UBE2Q2: variants seen among roughly 807,000 people sequenced by gnomAD.
The protein encoded by UBE2Q2 is ubiquitin-conjugating enzyme E2 Q2.
Under a neutral mutation model 59.9 loss-of-function variants are expected in UBE2Q2, and 54 were observed. The ratio of observed to expected loss-of-function variants is 0.90; its 90% CI spans 0.72 to 1.13. The LOEUF (loss-of-function observed/expected upper bound fraction) is 1.13, where lower values mean the gene tolerates loss of function less well. Among genes scored for constraint, UBE2Q2 ranks in the 50% most tolerant of loss-of-function variants. UBE2Q2 has a pLI of 0.00. For missense variants in UBE2Q2, 433 were observed against 441.9 expected (o/e 0.98, Z 0.18); for synonymous variants, 165 against 155.2 (o/e 1.06, Z -0.47).
chr15:75,888,428 T>C (rs1261325723), intron 9 of UBE2Q2, among the ~76,000 whole-genome samples: 4 of 152,242 alleles, frequency 2.6e-5, no homozygotes, highest in Non-Finnish European at 2.9e-5. Context: ...GGATAGTGTT[T>C]GCTGTACAAC....
chr15:75,851,840 C>G (rs1342285040), intron 1 of UBE2Q2, among the ~76,000 whole-genome samples: 2 of 152,144 alleles, frequency 1.3e-5, no homozygotes, highest in Admixed American at 1.3e-4. Flanking sequence ...TTCAAGGATT[C>G]AGATGTAGTA....
Position 75,843,693 on chromosome 15 carries a change from G to A in UBE2Q2, c.27G>A (p.Glu9=), listed in dbSNP as rs1486915296. The part of the protein sequence containing the change: MSVSGLKA[E]LKFLASIFDK... ...TGTCCGTGTCAGGGCTCAAGGCCGA[G>A]CTGAAGTTCCTGGCGTCCATCTTCG... The change falls in exon 1 of 13, where the codon GAG becomes GAA. Residue 9 remains glutamate (E), a synonymous_variant. Coordinates refer to ENST00000267938, the MANE Select transcript of UBE2Q2 (RefSeq NM_173469.4). 1.2e-6 allele frequency: 2 copies of A among 1,611,244 alleles called. No individual in the cohort carries two copies. Among genetic ancestry groups the A allele is most frequent in the Non-Finnish European group, 1.7e-6 (2 of 1,178,856 alleles).
At chr15:75,891,036 C>T (rs756725527) in intron 11 of UBE2Q2, 22 bp downstream of exon 11, 1 of 1,552,850 alleles carries the variant, frequency 6.4e-7, no homozygotes, top group Non-Finnish European at 8.9e-7. Flanking sequence ...AAGAATTTTA[C>T]ATAAACCATA....
intron 3 of UBE2Q2, among the ~76,000 whole-genome samples, chr15:75,866,132 A>G (rs1897464988): frequency 6.7e-6 from 1 of 148,754 alleles, no homozygotes; most frequent in Non-Finnish European, 1.5e-5. Flanking sequence ...AGTTGGTATG[A>G]TTTTCTCTGT....
At chr15:75,851,482 A>G (rs368745488) in intron 1 of UBE2Q2, among the ~76,000 whole-genome samples, 38 of 152,218 alleles carry the variant, frequency 2.5e-4, no homozygotes, top group Admixed American at 1.0e-3. Flanking sequence ...ATTGCCATCA[A>G]TGTTATCAGG....
chr15:75,851,937 A>C (rs1432646058), intron 1 of UBE2Q2, among the ~76,000 whole-genome samples: 1 of 152,214 alleles, frequency 6.6e-6, no homozygotes, highest in Non-Finnish European at 1.5e-5. Context: ...CAGTAGCGTG[A>C]TCACAGCTCA....
At chr15:75,890,733 T>C (rs1567042014) in intron 10 of UBE2Q2, among the ~76,000 whole-genome samples, 186 bp from the exon 11 acceptor site, 1 of 152,224 alleles carries the variant, frequency 6.6e-6, no homozygotes. Context: ...TGTTGGGCAC[T>C]TAGAACATTG....
chr15:75,887,780 G>T (rs1595894620), intron 9 of UBE2Q2, among the ~76,000 whole-genome samples: 2 of 152,298 alleles, frequency 1.3e-5, no homozygotes, highest in East Asian at 3.9e-4. Context: ...AGAGTGAAGT[G>T]AGGAGAACCT....
chr15:75,885,225 A>G (rs1898692078), intron 9 of UBE2Q2, among the ~76,000 whole-genome samples: 1 of 151,932 alleles, frequency 6.6e-6, no homozygotes, highest in Non-Finnish European at 1.5e-5. Context: ...GGTTCAAACA[A>G]TTCTCCTGCC....
intron 9 of UBE2Q2, among the ~76,000 whole-genome samples, chr15:75,889,666 C>T (rs1595896146): frequency 6.6e-6 from 1 of 152,260 alleles, no homozygotes; most frequent in East Asian, 1.9e-4. Flanking sequence ...AATCAGTGGT[C>T]TTAGCTTTTG....
chr15:75,844,468 G>A, intron 1 of UBE2Q2: 1 of 1,551,576 alleles, frequency 6.4e-7, no homozygotes, highest in Non-Finnish European at 8.7e-7. Context: ...AAGGAGCATA[G>A]TACCGTCGTT....
chr15:75,857,584 T>G (rs1896982902), intron 2 of UBE2Q2, among the ~76,000 whole-genome samples: 1 of 152,182 alleles, frequency 6.6e-6, no homozygotes, highest in Non-Finnish European at 1.5e-5. Flanking sequence ...ATCTCCTAGT[T>G]GCCAAAACTA....
In UBE2Q2 at chr15:75,890,916, T is replaced by C. The variant is rs777503824; in HGVS notation, c.934-3T>C. On this transcript the variant is annotated splice_polypyrimidine_tract_variant and splice_region_variant and intron_variant, in intron 10 of 12. Transcript: ENST00000267938. ...ATTTTAGAGATACTTTGTTCTTCTG[T>C]AGGGCTGGAGCAGTGCCTACTCAAT... 9 of 1,612,354 alleles carry C rather than the reference T, an allele frequency of 5.6e-6. No individual in the cohort carries two copies. The East Asian group carries it at 1.6e-4, about 28-fold the overall frequency.
At chr15:75,897,092 A>G (rs377529933) in intron 12 of UBE2Q2, 31 bp downstream of exon 12, 1 of 1,387,194 alleles carries the variant, frequency 7.2e-7, no homozygotes, top group Admixed American at 2.2e-5. Flanking sequence ...GTTTATTGCC[A>G]TTTAAGAAGT....
At chr15:75,893,923 C>G (rs1291523512) in intron 11 of UBE2Q2, among the ~76,000 whole-genome samples, 1 of 152,180 alleles carries the variant, frequency 6.6e-6, no homozygotes, top group African/African-American at 2.4e-5. Flanking sequence ...CCTCCCTCTT[C>G]CTGTCTGGAA....
intron 2 of UBE2Q2, 131 bp downstream of exon 2, chr15:75,854,618 G>T (rs534369466): frequency 1.1e-5 from 6 of 557,574 alleles, no homozygotes; most frequent in South Asian, 1.0e-4. Context: ...AGACTAGTTT[G>T]TTTGTTTTTT....
chr15:75,864,625 G>A (rs920493014), intron 3 of UBE2Q2, among the ~76,000 whole-genome samples: 3 of 139,196 alleles, frequency 2.2e-5, no homozygotes, highest in Admixed American at 1.4e-4. Context: ...AAAAAAAAAA[G>A]GATCGCTTCA....
In UBE2Q2 at chr15:75,843,632, C is replaced by T. The variant is rs201793071; in HGVS notation, c.-35C>T. 550 of 1,560,376 alleles carry T rather than the reference C, an allele frequency of 3.5e-4. 3 individuals are homozygous for T. The African/African-American group carries it at 7.0e-3, about 20-fold the overall frequency. On this transcript the variant is annotated 5_prime_UTR_variant, in exon 1 of 13. Transcript: ENST00000267938. Reference sequence around the variant, plus strand: ...CGGCTCCCCTTCCGCGCCCGGCTCCCCTTCCGCGCCCCTCCCGCCGGAGAT... The same window carrying T: ...CGGCTCCCCTTCCGCGCCCGGCTCCTCTTCCGCGCCCCTCCCGCCGGAGAT...
intron 11 of UBE2Q2, among the ~76,000 whole-genome samples, chr15:75,896,234 C>G (rs368429883): frequency 7.9e-5 from 12 of 151,996 alleles, no homozygotes; most frequent in East Asian, 3.8e-4. Flanking sequence ...GGGGGATGAA[C>G]GGGAGGAAAC....
Sources: allele counts gnomAD v4.1 joint callset (sites outside exome capture counted in the v4.1 genomes callset), GRCh38; gene constraint gnomAD v4.1.1; transcripts MANE v1.5; gene names NCBI Gene and HGNC (gene_info 2026-07-23, HGNC 2026-07-21).